Variants in RBFOX1 observed in about 807,000 individuals in gnomAD.
RBFOX1 encodes the protein RNA binding protein fox-1 homolog 1.
RBFOX1 carries 8 observed loss-of-function variants against 57.7 expected under a neutral mutation model. The ratio of observed to expected loss-of-function variants is 0.14; its 90% CI spans 0.08 to 0.25. The LOEUF is 0.25. RBFOX1 is among the 10% of genes least tolerant of loss of function. The pLI, the probability that RBFOX1 is intolerant of heterozygous loss-of-function variation, is 1.00. For synonymous variants in RBFOX1, 326 were observed against 222.4 expected (o/e 1.47, Z -4.15); for missense variants, 611 against 548.5 (o/e 1.11, Z -1.14).
chr16:6,537,031 G>A (rs1328426770), intron 2 of RBFOX1, among the ~76,000 whole-genome samples: 1 of 152,162 alleles, frequency 6.6e-6, no homozygotes, highest in Non-Finnish European at 1.5e-5. Flanking sequence ...CCTACGTACG[G>A]TAGGAAGAAT....
At chr16:7,383,882 C>T (rs1443941017) in intron 4 of RBFOX1, among the ~76,000 whole-genome samples, 1 of 151,788 alleles carries the variant, frequency 6.6e-6, no homozygotes, top group Admixed American at 6.6e-5. Flanking sequence ...TGGTGAAATA[C>T]CATCTACTAA....
At chr16:6,899,013 G>A (rs554168399) in intron 3 of RBFOX1, among the ~76,000 whole-genome samples, 22 of 51,144 alleles carry the variant, frequency 4.3e-4, no homozygotes, top group African/African-American at 4.1e-3. Context: ...GTATGCATGC[G>A]CGTCTCTGTG....
At chr16:7,345,973 C>T (rs2096993378) in intron 4 of RBFOX1, among the ~76,000 whole-genome samples, 1 of 152,164 alleles carries the variant, frequency 6.6e-6, no homozygotes. Flanking sequence ...GCTATCCCTC[C>T]CAGCTCCTCC....
chr16:7,441,662 A>T (rs944719194), intron 4 of RBFOX1, among the ~76,000 whole-genome samples: 1 of 152,340 alleles, frequency 6.6e-6, no homozygotes, highest in African/African-American at 2.4e-5. Flanking sequence ...TTTAAAATCG[A>T]AATTTTTGGC....
At chr16:7,669,566 A>G (rs910356022) in intron 13 of RBFOX1, among the ~76,000 whole-genome samples, 1 of 152,168 alleles carries the variant, frequency 6.6e-6, no homozygotes, top group Non-Finnish European at 1.5e-5. Context: ...CGCCTAGCAA[A>G]TATGTCTTGA....
intron 2 of RBFOX1, among the ~76,000 whole-genome samples, chr16:6,638,982 A>G (rs1339706889): frequency 6.6e-6 from 1 of 152,214 alleles, no homozygotes; most frequent in Non-Finnish European, 1.5e-5. Flanking sequence ...GTGGTTGACA[A>G]GATGGCTCGA....
intron 4 of RBFOX1, among the ~76,000 whole-genome samples, chr16:7,419,517 G>T (rs1015973454): frequency 2.0e-5 from 3 of 152,326 alleles, no homozygotes; most frequent in African/African-American, 7.2e-5. Flanking sequence ...TTGTTTTCCT[G>T]CGCATTTGAA....
At chr16:7,048,129 T>C (rs1028480433) in intron 3 of RBFOX1, among the ~76,000 whole-genome samples, 1 of 152,180 alleles carries the variant, frequency 6.6e-6, no homozygotes, top group African/African-American at 2.4e-5. Context: ...TCCGACCCGC[T>C]TGGCTTCCCA....
At chr16:5,612,429 AC>A (rs918316229) in intron 3 of RBFOX1, among the ~76,000 whole-genome samples, 10 of 151,106 alleles carry the variant, frequency 6.6e-5, no homozygotes, top group African/African-American at 2.2e-4. Flanking sequence ...ACACACTAGG[AC>A]CCCCCCTCTG....
intron 3 of RBFOX1, among the ~76,000 whole-genome samples, chr16:6,682,002 C>T (rs1027088958): frequency 6.6e-6 from 1 of 152,168 alleles, no homozygotes; most frequent in South Asian, 2.1e-4. Context: ...TTGAAGTTAT[C>T]TCAGAAGGAT....
At chr16:6,890,594 A>G (rs1023482991) in intron 3 of RBFOX1, among the ~76,000 whole-genome samples, 1 of 152,198 alleles carries the variant, frequency 6.6e-6, no homozygotes, top group African/African-American at 2.4e-5. Flanking sequence ...GATTTAAGGA[A>G]TCATTGCTTT....
intron 3 of RBFOX1, among the ~76,000 whole-genome samples, chr16:5,827,383 G>A (rs1422687719): frequency 7.5e-6 from 1 of 132,478 alleles, no homozygotes; most frequent in Non-Finnish European, 1.5e-5. Flanking sequence ...CTGGATGACA[G>A]AGCAAGACTC....
intron 3 of RBFOX1, among the ~76,000 whole-genome samples, chr16:7,009,952 G>A (rs1336364787): frequency 6.6e-6 from 1 of 152,170 alleles, no homozygotes; most frequent in Non-Finnish European, 1.5e-5. Context: ...CAAGGAAAAA[G>A]GGTCCAAAGC....
rs79491081 is a variant in RBFOX1, at chr16:5,765,864, C to G, written c.319-101439C>G. Among the ~76,000 whole-genome samples the G allele has an allele frequency of 6.1e-3, 932 of 152,256 alleles. 18 individuals are homozygous for G. Among genetic ancestry groups the G allele is most frequent in the African/African-American group, 0.022 (895 of 41,530 alleles). On this transcript the variant is annotated intron_variant, in intron 3 of 19. Transcript: ENST00000641259. ...CAAGGATGGGAGTGTGGAAGGATTC[C>G]TAGTCTCCCGTGGAAAAGACAACCT...
intron 4 of RBFOX1, among the ~76,000 whole-genome samples, chr16:7,057,644 G>C (rs1209955786): frequency 6.6e-6 from 1 of 152,166 alleles, no homozygotes; most frequent in Non-Finnish European, 1.5e-5. Context: ...AAGCAACACA[G>C]TTGCCCAGGG....
Position 7,555,650 on chromosome 16 carries a change from C to T in RBFOX1, c.271-24127C>T, listed in dbSNP as rs145406154. ...TCCTTTTCTCTTCCCCTTGAACGTTCTGTACCAGCCTCACGCTTCATCACT... is the reference window on the plus strand; with the variant it reads ...TCCTTTTCTCTTCCCCTTGAACGTTTTGTACCAGCCTCACGCTTCATCACT... On this transcript the variant is annotated intron_variant, in intron 5 of 15. Transcript: ENST00000550418. Among the ~76,000 whole-genome samples the T allele has an allele frequency of 3.3e-3, 500 of 152,298 alleles. 1 individual carries two copies. Among genetic ancestry groups the T allele is most frequent in the African/African-American group, 0.012 (479 of 41,562 alleles).
intron 1 of RBFOX1, among the ~76,000 whole-genome samples, chr16:5,317,034 G>T (rs1328190818): frequency 1.3e-5 from 2 of 152,102 alleles, no homozygotes; most frequent in African/African-American, 2.4e-5. Context: ...GGAGCCTTTG[G>T]GCTCTGGGAC....
chr16:7,087,340 C>T (rs1020500254), intron 4 of RBFOX1, among the ~76,000 whole-genome samples: 8 of 152,084 alleles, frequency 5.3e-5, no homozygotes, highest in African/African-American at 1.9e-4. Context: ...ATCTCCCACC[C>T]GCCATCAGGA....
At chr16:6,712,447 C>T (rs1231286336) in intron 3 of RBFOX1, among the ~76,000 whole-genome samples, 1 of 152,042 alleles carries the variant, frequency 6.6e-6, no homozygotes, top group African/African-American at 2.4e-5. Context: ...TGTGTACCAT[C>T]CTAACCTTTC....
Sources: gnomAD v4.1 joint callset for allele counts (sites outside exome capture counted in the v4.1 genomes callset) on GRCh38, gnomAD v4.1.1 for gene constraint, MANE v1.5 for transcripts, NCBI Gene and HGNC (gene_info 2026-07-23, HGNC 2026-07-21) for gene names.